Variants in SMURF1 observed in about 807,000 individuals in gnomAD.
SMURF1 encodes the protein SMAD specific E3 ubiquitin protein ligase 1.
A neutral mutation model predicts 98.0 loss-of-function variants in SMURF1; 44 were observed. That is an observed-to-expected ratio of 0.45 (90% CI 0.35 to 0.58). The LOEUF is 0.58. Among genes scored for constraint, SMURF1 ranks in the 20% least tolerant of loss-of-function variants. The probability of loss-of-function intolerance (pLI) is 0.00; values close to 1 mark genes in which losing one functional copy is unlikely to be tolerated. For missense variants in SMURF1, 687 were observed against 938.4 expected (o/e 0.73, Z 3.50); for synonymous variants, 396 against 374.9 (o/e 1.06, Z -0.65).
At chr7:99,131,428 C>T (rs1797869801) in intron 1 of SMURF1, among the ~76,000 whole-genome samples, 1 of 151,796 alleles carries the variant, frequency 6.6e-6, no homozygotes, top group Non-Finnish European at 1.5e-5. Context: ...CTACAAGGAA[C>T]ACTAAGGGAC....
At position 99,057,443 on chromosome 7, in the gene SMURF1, G is replaced by A. The variant is rs773571487; in HGVS notation, c.312C>T (p.Ala104=). The change falls in exon 4 of 18, where the codon GCC becomes GCT. Residue 104 remains alanine (A), a synonymous_variant. Coordinates refer to ENST00000361368, the MANE Select transcript of SMURF1 (RefSeq NM_181349.3). ...ATCCGGTATCTTTTAATCTGCTGAT[G>A]GCATTGGAGAGCAGCCGCACACAGC... ...FLGCVRLLSN[A]ISRLKDTGYQ... is the part of the protein sequence containing the mutation. 37 of 1,608,002 alleles carry A rather than the reference G, an allele frequency of 2.3e-5. No individual in the cohort carries two copies. In the Middle Eastern group the frequency reaches 1.5e-3, roughly 64 times the overall value.
intron 14 of SMURF1, among the ~76,000 whole-genome samples, chr7:99,037,504 GTTGGGA>G (rs1562998006): frequency 6.6e-6 from 1 of 152,214 alleles, no homozygotes; most frequent in Admixed American, 6.5e-5. Flanking sequence ...CTCCCAAAGT[GTTGGGA>G]TTACAGGCAT....
chr7:99,053,692 G>C (rs1474057015), intron 6 of SMURF1, among the ~76,000 whole-genome samples: 1 of 152,124 alleles, frequency 6.6e-6, no homozygotes, highest in African/African-American at 2.4e-5. Context: ...CACATTCCTG[G>C]TTCCCTGTAT....
At chr7:99,119,098 G>A (rs1323898744) in intron 1 of SMURF1, among the ~76,000 whole-genome samples, 1 of 135,142 alleles carries the variant, frequency 7.4e-6, no homozygotes, top group Non-Finnish European at 1.5e-5. Flanking sequence ...CTGATCTCCA[G>A]GATATATTGA....
At chr7:99,105,234 C>T (rs1328802339) in intron 1 of SMURF1, among the ~76,000 whole-genome samples, 1 of 152,174 alleles carries the variant, frequency 6.6e-6, no homozygotes, top group Non-Finnish European at 1.5e-5. Flanking sequence ...CAAATTCTCT[C>T]TGAAAGAAAG....
chr7:99,099,397 C>T (rs1797024965), intron 1 of SMURF1, among the ~76,000 whole-genome samples: 1 of 152,054 alleles, frequency 6.6e-6, no homozygotes, highest in South Asian at 2.1e-4. Flanking sequence ...TAAAAGAGAA[C>T]AGTAACACTG....
At chr7:99,051,721 G>A (rs1243610841) in intron 7 of SMURF1, among the ~76,000 whole-genome samples, 1 of 152,144 alleles carries the variant, frequency 6.6e-6, no homozygotes, top group East Asian at 1.9e-4. Flanking sequence ...TCTAAACTGG[G>A]AGATTTGGAG....
intron 1 of SMURF1, among the ~76,000 whole-genome samples, chr7:99,137,963 G>A (rs913415735): frequency 2.6e-5 from 4 of 152,148 alleles, no homozygotes; most frequent in African/African-American, 9.7e-5. Context: ...ATAGCTCCAT[G>A]GCTTTCCTTT....
chr7:99,117,411 T>G (rs61229024), intron 1 of SMURF1, among the ~76,000 whole-genome samples: 16,134 of 152,080 alleles, frequency 0.11, 1,669 homozygotes, highest in African/African-American at 0.27. Context: ...TACGATAGCA[T>G]GATCTCAGCT....
At chr7:99,033,634 C>T (rs552012098) in intron 16 of SMURF1, among the ~76,000 whole-genome samples, 6 of 152,324 alleles carry the variant, frequency 3.9e-5, no homozygotes, top group Admixed American at 2.6e-4. Flanking sequence ...TAGAATATCG[C>T]AGGGGGCAGA....
At position 99,047,544 on chromosome 7, in the gene SMURF1, G is replaced by A. The variant is rs1239170471; in HGVS notation, c.1152+140C>T. 3 of 820,140 alleles carry A rather than the reference G, an allele frequency of 3.7e-6. 1 individual carries two copies. Among genetic ancestry groups the A allele is most frequent in the South Asian group, 3.6e-5 (2 of 56,338 alleles). 50.8% of individuals were successfully genotyped at this position (820,140 alleles called of 1,614,324 possible). A position where few individuals can be genotyped will look rare whatever the true frequency, so the allele number is the denominator to read the frequency against. On this transcript the variant is annotated intron_variant, in intron 10 of 17. Coordinates refer to ENST00000361368, the MANE Select transcript of SMURF1 (RefSeq NM_181349.3). ...ACCTCAAATACCAAACAGAAAGAAG[G>A]GTTCCCTGAAACGCAGACATCACCC...
chr7:99,113,076 T>C (rs1797358998), intron 1 of SMURF1, among the ~76,000 whole-genome samples: 1 of 152,072 alleles, frequency 6.6e-6, no homozygotes, highest in African/African-American at 2.4e-5. Flanking sequence ...AATCCCAGAA[T>C]GAGAGAAGAG....
chr7:99,079,123 G>A (rs954444485), intron 1 of SMURF1, among the ~76,000 whole-genome samples: 3 of 152,246 alleles, frequency 2.0e-5, no homozygotes, highest in Non-Finnish European at 4.4e-5. Context: ...CAGGTGGGAA[G>A]CCGGGAAGCT....
chr7:99,069,914 C>T lies in SMURF1; in HGVS notation c.56-8077G>A, dbSNP rs62472974. Among the ~76,000 whole-genome samples, 577 of 152,288 alleles carry T rather than the reference C, an allele frequency of 3.8e-3. 1 individual carries two copies. Among genetic ancestry groups the T allele is most frequent in the Non-Finnish European group, 6.8e-3 (461 of 68,020 alleles). On this transcript the variant is annotated intron_variant, in intron 1 of 17. Coordinates refer to ENST00000361368, the MANE Select transcript of SMURF1 (RefSeq NM_181349.3). Reference sequence around the variant, plus strand: ...TAAATGATCAAATGATTTCTTCCTGCGGGGAAAACTGTCTAAGTTAACAAA... The same window carrying T: ...TAAATGATCAAATGATTTCTTCCTGTGGGGAAAACTGTCTAAGTTAACAAA...
At chr7:99,138,293 G>A (rs867466523) in intron 1 of SMURF1, among the ~76,000 whole-genome samples, 1 of 152,144 alleles carries the variant, frequency 6.6e-6, no homozygotes, top group Non-Finnish European at 1.5e-5. Context: ...TGAATAAAAC[G>A]CACAATTCAG....
chr7:99,073,238 G>A (rs1395034113), intron 1 of SMURF1, among the ~76,000 whole-genome samples: 2 of 151,144 alleles, frequency 1.3e-5, no homozygotes, highest in African/African-American at 2.4e-5. Context: ...AGTTAGCTGG[G>A]CCTGGTGTTG....
chr7:99,052,134 A>C, intron 7 of SMURF1, 71 bp downstream of exon 7: 1 of 813,732 alleles, frequency 1.2e-6, no homozygotes, highest in Non-Finnish European at 1.6e-6. Context: ...CCTTGTCTCA[A>C]AAAAAAAAAA....
intron 1 of SMURF1, among the ~76,000 whole-genome samples, chr7:99,101,815 C>T (rs1797088464): frequency 6.6e-6 from 1 of 151,906 alleles, no homozygotes; most frequent in Non-Finnish European, 1.5e-5. Context: ...TGGTGTGCGC[C>T]TGTAAGCTAT....
chr7:99,099,783 T>C (rs377318394), intron 1 of SMURF1, among the ~76,000 whole-genome samples: 4 of 152,326 alleles, frequency 2.6e-5, no homozygotes, highest in Admixed American at 2.0e-4. Context: ...TCTCTGGCCA[T>C]GTGGTTTCTT....
Sources: allele counts gnomAD v4.1 joint callset (sites outside exome capture counted in the v4.1 genomes callset), GRCh38; gene constraint gnomAD v4.1.1; transcripts MANE v1.5; gene names NCBI Gene and HGNC (gene_info 2026-07-23, HGNC 2026-07-21).